MAGI2: variants seen among roughly 807,000 people sequenced by gnomAD.
The protein encoded by MAGI2 is membrane associated guanylate kinase, WW and PDZ domain containing 2.
MAGI2 carries 35 observed loss-of-function variants against 133.3 expected under a neutral mutation model. That is an observed-to-expected ratio of 0.26 (90% CI 0.20 to 0.35). MAGI2 has a LOEUF of 0.35. Among genes scored for constraint, MAGI2 ranks in the 10% least tolerant of loss-of-function variants. MAGI2 has a pLI of 1.00. For synonymous variants in MAGI2, 729 were observed against 710.6 expected (o/e 1.03, Z -0.41); for missense variants, 1,636 against 1,863.4 (o/e 0.88, Z 2.25).
At chr7:79,220,247 C>T (rs1007676662) in intron 1 of MAGI2, among the ~76,000 whole-genome samples, 1 of 152,080 alleles carries the variant, frequency 6.6e-6, no homozygotes, top group Non-Finnish European at 1.5e-5. Context: ...GCATGTTTTT[C>T]AGCAATCACT....
At chr7:78,218,467 G>C (rs1235907666) in intron 10 of MAGI2, among the ~76,000 whole-genome samples, 5 of 152,198 alleles carry the variant, frequency 3.3e-5, no homozygotes, top group Non-Finnish European at 5.9e-5. Context: ...GGCCATGCTT[G>C]TTAATAATTG....
chr7:78,591,973 T>C (rs1384216623), intron 3 of MAGI2, among the ~76,000 whole-genome samples: 31 of 152,174 alleles, frequency 2.0e-4, no homozygotes, highest in Admixed American at 2.0e-3. Context: ...AGACATTTTA[T>C]TAAAGAGTTG....
chr7:79,048,380 A>G (rs1412858598), intron 1 of MAGI2, among the ~76,000 whole-genome samples: 1 of 152,186 alleles, frequency 6.6e-6, no homozygotes, highest in African/African-American at 2.4e-5. Context: ...AAATGCCACG[A>G]TGTTCTCCAA....
intron 1 of MAGI2, among the ~76,000 whole-genome samples, chr7:79,145,985 A>G (rs1242086435): frequency 6.6e-6 from 1 of 152,182 alleles, no homozygotes; most frequent in Non-Finnish European, 1.5e-5. Context: ...TAATAAACCC[A>G]GTTACCATGC....
chr7:78,424,656 C>T lies in MAGI2; in HGVS notation c.1046-55443G>A, dbSNP rs192107731. The stretch of plus-strand genomic sequence containing the variant: ...GCCATAGGGGTGGAGCTGCCCAAGA[C>T]CGTGGGAACCCACCTCTTGTATCAG... On this transcript the variant is annotated intron_variant, in intron 6 of 21. Coordinates refer to ENST00000354212, the MANE Select transcript of MAGI2 (RefSeq NM_012301.4). Among the ~76,000 whole-genome samples the T allele has an allele frequency of 1.5e-4, 23 of 152,284 alleles. No homozygotes were observed. The East Asian group carries it at 4.1e-3, about 27-fold the overall frequency.
rs1185043187 is a variant in MAGI2 at position 78,358,162 on chromosome 7, C to CA, written c.1103+10993dup. 4.3e-4 allele frequency: 21 copies of CA among 48,732 alleles called. 4 individuals carry two copies. The highest frequency in any genetic ancestry group is 8.8e-4 in the Admixed American group (2 of 2,274). The allele number at this position is 48,732 out of a possible 1,614,324, so 3.0% of individuals were successfully genotyped here. A position where few individuals can be genotyped will look rare whatever the true frequency, so the allele number is the denominator to read the frequency against. ...TGGGCGACAGAGCAAGACTTTGCCT[C>CA]AAAAAAAAAAAAAAAAAAAAAAAAA... On this transcript the variant is annotated intron_variant, in intron 7 of 21. Coordinates refer to ENST00000354212, the MANE Select transcript of MAGI2 (RefSeq NM_012301.4).
At chr7:78,375,803 AG>A (rs1794396377) in intron 6 of MAGI2, among the ~76,000 whole-genome samples, 1 of 151,932 alleles carries the variant, frequency 6.6e-6, no homozygotes, top group South Asian at 2.1e-4. Context: ...TTCTTGTAAA[AG>A]TTATACAGCT....
intron 6 of MAGI2, among the ~76,000 whole-genome samples, chr7:78,394,501 A>ATT (rs1796169931): frequency 6.6e-6 from 1 of 152,000 alleles, no homozygotes; most frequent in African/African-American, 2.4e-5. Flanking sequence ...TGGCTTTTAC[A>ATT]CATGTTGTTT....
chr7:78,938,484 T>C (rs1800704893), intron 2 of MAGI2, among the ~76,000 whole-genome samples: 1 of 152,136 alleles, frequency 6.6e-6, no homozygotes, highest in Admixed American at 6.5e-5. Flanking sequence ...CTCAGGGTTT[T>C]TCCTCTTAAA....
intron 9 of MAGI2, among the ~76,000 whole-genome samples, chr7:78,280,258 C>A (rs956292610): frequency 1.3e-5 from 2 of 152,114 alleles, no homozygotes; most frequent in Non-Finnish European, 2.9e-5. Context: ...TGAGGCTCAT[C>A]ACCCCACAAA....
chr7:78,601,661 G>A, intron 3 of MAGI2, among the ~76,000 whole-genome samples: 1 of 151,928 alleles, frequency 6.6e-6, no homozygotes, highest in East Asian at 1.9e-4. Context: ...TAATTCGATG[G>A]CTCAATGTTT....
intron 2 of MAGI2, among the ~76,000 whole-genome samples, chr7:78,678,638 T>C (rs1011992741): frequency 6.6e-6 from 1 of 152,178 alleles, no homozygotes; most frequent in Non-Finnish European, 1.5e-5. Flanking sequence ...TAGCTGCATG[T>C]AGTAGATGCT....
At position 78,903,623 on chromosome 7, in the gene MAGI2, T is replaced by C. The variant is rs542364110; in HGVS notation, c.418+103467A>G. Among the ~76,000 whole-genome samples, 33 of 152,318 alleles carry C rather than the reference T, an allele frequency of 2.2e-4. 1 individual carries two copies. The South Asian group carries it at 6.4e-3, about 30-fold the overall frequency. ...AGTGAAGTTAAAGCCATAGCTTTTATTCTTTATCTTGTTTTTAAGAATTTG... is the reference window on the plus strand; with the variant it reads ...AGTGAAGTTAAAGCCATAGCTTTTACTCTTTATCTTGTTTTTAAGAATTTG... On this transcript the variant is annotated intron_variant, in intron 2 of 21. Coordinates refer to ENST00000354212, the MANE Select transcript of MAGI2 (RefSeq NM_012301.4).
intron 2 of MAGI2, among the ~76,000 whole-genome samples, chr7:78,927,909 C>A (rs1642885): frequency 0.99 from 151,035 of 151,990 alleles, 75,047 homozygotes; most frequent in East Asian, 1. Context: ...ACTATAGCCC[C>A]CTGGTGGCTT....
chr7:78,743,461 C>G (rs1055351796), intron 2 of MAGI2, among the ~76,000 whole-genome samples: 6 of 152,142 alleles, frequency 3.9e-5, no homozygotes, highest in Admixed American at 6.6e-5. Context: ...CCTGGTACAG[C>G]CAGAAAGGGT....
At chr7:78,255,806 T>G in intron 10 of MAGI2, 137 bp downstream of exon 10, 2 of 874,404 alleles carry the variant, frequency 2.3e-6, no homozygotes, top group Non-Finnish European at 1.8e-6. Flanking sequence ...TTCATGTTTT[T>G]CTCTCTCACT....
At chr7:79,179,824 G>A (rs1020781047) in intron 1 of MAGI2, among the ~76,000 whole-genome samples, 40 of 151,804 alleles carry the variant, frequency 2.6e-4, no homozygotes, top group Non-Finnish European at 2.8e-4. Flanking sequence ...TAAGACAACT[G>A]GAAAAAAATC....
chr7:78,821,717 A>C (rs1383844393), intron 2 of MAGI2, among the ~76,000 whole-genome samples: 1 of 151,832 alleles, frequency 6.6e-6, no homozygotes, highest in African/African-American at 2.4e-5. Flanking sequence ...CTCTAATGTC[A>C]AACAGTTATT....
intron 2 of MAGI2, among the ~76,000 whole-genome samples, chr7:78,874,734 T>C (rs1795289223): frequency 6.6e-6 from 1 of 152,136 alleles, no homozygotes; most frequent in African/African-American, 2.4e-5. Flanking sequence ...GTAGGGAGAA[T>C]ACAGTTAACA....
Sources: gnomAD v4.1 joint callset for allele counts (sites outside exome capture counted in the v4.1 genomes callset) on GRCh38, gnomAD v4.1.1 for gene constraint, MANE v1.5 for transcripts, NCBI Gene and HGNC (gene_info 2026-07-23, HGNC 2026-07-21) for gene names.